PTPRS: variants seen among roughly 807,000 people sequenced by gnomAD.
The protein encoded by PTPRS is protein tyrosine phosphatase receptor type S.
In PTPRS, 63 loss-of-function variants were observed where a neutral mutation model predicts 215.3. The ratio of observed to expected loss-of-function variants is 0.29; its 90% CI spans 0.24 to 0.36. The LOEUF is 0.36. Among genes scored for constraint, PTPRS ranks in the 10% least tolerant of loss-of-function variants. PTPRS has a pLI of 1.00. For synonymous variants in PTPRS, 1,404 were observed against 1,191.4 expected, an observed-to-expected ratio of 1.18 and a Z score of -3.68; for missense variants, 2,258 against 2,825.8, an observed-to-expected ratio of 0.80 and a Z score of 4.56.
intron 4 of PTPRS, among the ~76,000 whole-genome samples, chr19:5,267,628 G>A (rs1047543718): frequency 6.7e-6 from 1 of 149,264 alleles, no homozygotes; most frequent in African/African-American, 2.5e-5. Flanking sequence ...CTGCACTCCA[G>A]CCTGGGCGAC....
rs1047494089 is a variant in PTPRS at position 5,258,213 on chromosome 19, G to C, written c.596-86C>G. The C allele has an allele frequency of 4.9e-5, 56 of 1,148,450 alleles. 1 individual carries two copies. Among genetic ancestry groups the C allele is most frequent in the Admixed American group, 8.8e-5 (5 of 56,646 alleles). 71.1% of individuals were successfully genotyped at this position (1,148,450 alleles called of 1,614,324 possible). On this transcript the variant is annotated intron_variant, in intron 7 of 37. Transcript: ENST00000262963. ...AGCTCCCCCACCAGAGTGCTCTCTG[G>C]CCTGTCTCCTGTGCTGGCTGGGCCA...
At chr19:5,256,266 A>C in intron 8 of PTPRS, 147 bp from the exon 9 acceptor site, 2 of 595,144 alleles carry the variant, frequency 3.4e-6, no homozygotes, top group Non-Finnish European at 5.5e-6. Context: ...AACCAAAAAA[A>C]AAAATTAAAA....
At chr19:5,292,544 GACA>G (rs1353461795) in intron 1 of PTPRS, among the ~76,000 whole-genome samples, 1 of 152,220 alleles carries the variant, frequency 6.6e-6, no homozygotes, top group East Asian at 1.9e-4. Flanking sequence ...CGTCTCAGAA[GACA>G]ACACCACAGG....
intron 1 of PTPRS, among the ~76,000 whole-genome samples, chr19:5,325,790 T>C (rs1383766453): frequency 1.3e-5 from 2 of 152,238 alleles, no homozygotes; most frequent in East Asian, 3.8e-4. Context: ...TAGTTTTTAA[T>C]AGGCTCATTA....
intron 9 of PTPRS, among the ~76,000 whole-genome samples, chr19:5,249,981 A>G (rs771448262): frequency 2.0e-5 from 3 of 152,212 alleles, no homozygotes; most frequent in Non-Finnish European, 4.4e-5. Flanking sequence ...AGAAGTAGAG[A>G]CAAGGGGATA....
chr19:5,233,942 T>C (rs1416923237), intron 13 of PTPRS, among the ~76,000 whole-genome samples: 1 of 17,474 alleles, frequency 5.7e-5, no homozygotes, highest in Middle Eastern at 0.083. Context: ...CAAGACTCCA[T>C]CTCCAAAAAA....
intron 1 of PTPRS, among the ~76,000 whole-genome samples, chr19:5,290,612 G>A (rs1372139737): frequency 3.3e-5 from 5 of 152,082 alleles, no homozygotes; most frequent in African/African-American, 7.2e-5. Context: ...GGAGGCTCCC[G>A]GTGCCTCTCC....
intron 2 of PTPRS, among the ~76,000 whole-genome samples, chr19:5,277,247 G>A (rs955102290): frequency 2.0e-5 from 3 of 151,330 alleles, no homozygotes; most frequent in Admixed American, 6.6e-5. Flanking sequence ...TTTTTTCCCC[G>A]AGGGCTGCAA....
intron 20 of PTPRS, among the ~76,000 whole-genome samples, chr19:5,220,712 C>G (rs2041905642): frequency 6.6e-6 from 1 of 152,184 alleles, no homozygotes; most frequent in South Asian, 2.1e-4. Flanking sequence ...TGCCTCCCCA[C>G]TAGTTGGGAA....
chr19:5,215,763 G>C (rs1025992622), intron 26 of PTPRS, among the ~76,000 whole-genome samples, 168 bp from the exon 27 acceptor site: 15 of 152,250 alleles, frequency 9.9e-5, no homozygotes, highest in Middle Eastern at 3.4e-3. Context: ...GGCTCATGAA[G>C]GGGCTGGGAC....
intron 12 of PTPRS, 124 bp from the exon 13 acceptor site, chr19:5,239,187 G>GAC: frequency 1.5e-6 from 1 of 685,448 alleles, no homozygotes; most frequent in Non-Finnish European, 2.4e-6. Context: ...GAGAGAGAGA[G>GAC]ACAGAGAAAT....
rs1281950463 is a variant in PTPRS at position 5,210,383 on chromosome 19, G to T, written c.5487+86C>A. 6.4e-7 allele frequency: 1 copy of T among 1,573,110 alleles called. No individual in the cohort carries two copies. Among genetic ancestry groups the T allele is most frequent in the Middle Eastern group, 1.8e-4 (1 of 5,668 alleles). ...TTCCCAATGCTTATGCCTAACCCTT[G>T]GCCTTTGTATCCATCACCAACCAGG... On this transcript the variant is annotated intron_variant, in intron 35 of 37. Coordinates refer to ENST00000262963, the MANE Select transcript of PTPRS (RefSeq NM_002850.4). This position sits in a 1 kb window ranked among gnomAD's most constrained non-coding sequence, Gnocchi z 4.5.
intron 9 of PTPRS, among the ~76,000 whole-genome samples, chr19:5,248,565 C>T (rs946920017): frequency 2.6e-4 from 39 of 152,220 alleles, no homozygotes; most frequent in South Asian, 2.1e-4. Flanking sequence ...GTGGGAGCCT[C>T]GTGGACAAAA....
chr19:5,273,588 C>A lies in PTPRS; in HGVS notation c.238-5G>T. ...ACTCTCATCAAACTCAATCGTCTGC[C>A]ATGGGCAGGGGAAAAAAGAACAGAG... On this transcript the variant is annotated splice_polypyrimidine_tract_variant and splice_region_variant and intron_variant, in intron 3 of 37. Transcript: ENST00000262963. 6.2e-7 allele frequency: 1 copy of A among 1,614,074 alleles called. No homozygotes were observed. Among genetic ancestry groups the A allele is most frequent in the South Asian group, 1.1e-5 (1 of 91,074 alleles).
chr19:5,217,541 C>CA (rs3831633), intron 25 of PTPRS, among the ~76,000 whole-genome samples: 46,293 of 149,862 alleles, frequency 0.31, 8,529 homozygotes, highest in East Asian at 0.59. Context: ...AGTCCAGAGA[C>CA]AAAAAAAAAG....
At chr19:5,226,117 A>T (rs1456915793) in intron 16 of PTPRS, among the ~76,000 whole-genome samples, 1 of 152,116 alleles carries the variant, frequency 6.6e-6, no homozygotes, top group Non-Finnish European at 1.5e-5. Flanking sequence ...CACCCCCGAC[A>T]GTCTGTCCTC....
At position 5,212,463 on chromosome 19, in the gene PTPRS, C is replaced by T. The variant is rs753499659; in HGVS notation, c.4643G>A (p.Arg1548His). 3.3e-5 allele frequency: 53 copies of T among 1,596,862 alleles called. No homozygotes were observed. Among genetic ancestry groups the T allele is most frequent in the Non-Finnish European group, 3.7e-5 (43 of 1,171,672 alleles). ...KNGSSEKREV[R>H]QFQFTAWPDH... The stretch of plus-strand genomic sequence containing the variant: ...CGGCCACGCCGTAAACTGGAACTGG[C>T]GGACCTCGCGTTTCTCACTGGAGCC... Residue 1548 changes from arginine to histidine, a missense_variant, in exon 31 of 38, where the codon CGC (arginine) becomes CAC (histidine). Around this residue, in one of 6 missense-constraint regions of PTPRS, gnomAD observed 927 missense variants for 1,125.9 expected, o/e 0.82. Transcript: ENST00000262963.
intron 1 of PTPRS, among the ~76,000 whole-genome samples, chr19:5,296,322 C>T (rs564131878): frequency 1.9e-4 from 29 of 152,044 alleles, no homozygotes; most frequent in African/African-American, 2.7e-4. Context: ...GGCAATATAG[C>T]CCATCATCTC....
At chr19:5,333,941 ACTG>A (rs563699643) in intron 1 of PTPRS, among the ~76,000 whole-genome samples, 1 of 152,188 alleles carries the variant, frequency 6.6e-6, no homozygotes, top group South Asian at 2.1e-4. Flanking sequence ...CCATCAAATG[ACTG>A]CTGTTAAACC....
Sources: allele counts gnomAD v4.1 joint callset (sites outside exome capture counted in the v4.1 genomes callset), GRCh38; gene constraint gnomAD v4.1.1; regional missense constraint gnomAD v4.1.1; non-coding constraint Gnocchi (gnomAD v3.1); transcripts MANE v1.5; gene names NCBI Gene and HGNC (gene_info 2026-07-23, HGNC 2026-07-21).